The following CHSY1 variants were observed in gnomAD, a reference collection of about 807,000 sequenced individuals.
The protein encoded by CHSY1 is chondroitin sulfate synthase 1.
Under a neutral mutation model 59.8 loss-of-function variants are expected in CHSY1, and 13 were observed. The ratio of observed to expected loss-of-function variants is 0.22; its 90% CI spans 0.14 to 0.35. The LOEUF (loss-of-function observed/expected upper bound fraction) is 0.35. CHSY1 is among the 10% of genes least tolerant of loss of function. The pLI is 1.00. For synonymous variants in CHSY1, 459 were observed against 401.2 expected, an observed-to-expected ratio of 1.14 and a Z score of -1.72; for missense variants, 947 against 1,030.6, an observed-to-expected ratio of 0.92 and a Z score of 1.11.
At chr15:101,239,397 G>T (rs1027165754) in intron 1 of CHSY1, among the ~76,000 whole-genome samples, 10 of 152,222 alleles carry the variant, frequency 6.6e-5, no homozygotes, top group Admixed American at 5.9e-4. Flanking sequence ...ACCAACTAAG[G>T]AGGCGAATCT....
At position 101,178,657 on chromosome 15, in the gene CHSY1, A is replaced by T. The variant is rs144853818; in HGVS notation, c.1140T>A (p.Thr380=). The T allele has an allele frequency of 5.0e-6, 8 of 1,614,224 alleles. No homozygotes were observed. Among genetic ancestry groups the T allele is most frequent in the Non-Finnish European group, 6.8e-6 (8 of 1,180,034 alleles). Residue 380 remains threonine (T), a synonymous_variant, in exon 3 of 3, where the codon ACT becomes ACA. Coordinates refer to ENST00000254190, the MANE Select transcript of CHSY1 (RefSeq NM_014918.5). ...CAACTGCCGAATACAAGTATTTTCC[A>T]GTCAGAAACTCCCATTCCAGAATCT... is the stretch of plus-strand genomic sequence containing the variant. The part of the protein sequence containing the change: ...REEILEWEFL[T]GKYLYSAVDG...
intron 2 of CHSY1, among the ~76,000 whole-genome samples, chr15:101,196,793 G>C (rs1321941929): frequency 6.6e-6 from 1 of 152,180 alleles, no homozygotes; most frequent in Non-Finnish European, 1.5e-5. Context: ...GGAGGTCAAG[G>C]CAAGGGAACC....
intron 2 of CHSY1, among the ~76,000 whole-genome samples, chr15:101,215,088 G>A (rs2038718478): frequency 6.6e-6 from 1 of 152,154 alleles, no homozygotes; most frequent in Non-Finnish European, 1.5e-5. Context: ...AGTTTCCTGA[G>A]TCTTCACCAG....
In CHSY1 at chr15:101,235,111, C is replaced by A. The variant is rs752265345; in HGVS notation, c.787G>T (p.Ala263Ser). Reference protein sequence around the residue: ...VEVGRCVRRFAGVQCVWSYEM... With the variant: ...VEVGRCVRRFSGVQCVWSYEM... ...TAAGACCAGACACACTGCACCCCTG[C>A]AAACCTCCGGACACACCTTCCCACC... The change falls in exon 2 of 3, where the codon GCA becomes TCA. Residue 263 changes from alanine (A) to serine (S), a missense_variant. By Grantham distance (99) the Ala-to-Ser change is moderately conservative. Around this residue, in one of 4 missense-constraint regions of CHSY1, gnomAD observed 602 missense variants for 676.9 expected, o/e 0.89. Transcript: ENST00000254190. The A allele has an allele frequency of 2.0e-5, 33 of 1,613,974 alleles. No individual in the cohort carries two copies. In the Admixed American group the frequency reaches 3.2e-4, roughly 15 times the overall value.
rs2141286951 is a variant in CHSY1 at position 101,251,989 on chromosome 15, CG to C, written c.-534del. The C allele has an allele frequency of 2.0e-5, 3 of 151,012 alleles. 1 individual carries two copies. The East Asian group carries it at 5.9e-4, about 29-fold the overall frequency. The allele number at this position is 151,012 out of a possible 1,614,324, so 9.4% of individuals were successfully genotyped here. ...GCGCGTTATGAAGTGGCCCCGCCGG[CG>C]GCGAGCCGTGGCCCCTCTCGGGATC... is the stretch of plus-strand genomic sequence containing the variant. On this transcript the variant is annotated 5_prime_UTR_variant, in exon 1 of 3. Transcript: ENST00000254190.
At chr15:101,216,799 T>C (rs2038737751) in intron 2 of CHSY1, among the ~76,000 whole-genome samples, 1 of 152,228 alleles carries the variant, frequency 6.6e-6, no homozygotes, top group African/African-American at 2.4e-5. Flanking sequence ...TGCATGATAC[T>C]GTAATGGTGG....
At chr15:101,179,559 C>A (rs373546163) in intron 2 of CHSY1, among the ~76,000 whole-genome samples, 18 of 152,328 alleles carry the variant, frequency 1.2e-4, no homozygotes, top group East Asian at 9.6e-4. Context: ...CTGCTGAGGT[C>A]TCTGGAAGCA....
chr15:101,181,742 G>T (rs1010179377), intron 2 of CHSY1, among the ~76,000 whole-genome samples: 1 of 152,170 alleles, frequency 6.6e-6, no homozygotes, highest in African/African-American at 2.4e-5. Flanking sequence ...GAACTGACAT[G>T]ATTTTCTCCT....
At chr15:101,191,746 A>C (rs1177890299) in intron 2 of CHSY1, among the ~76,000 whole-genome samples, 1 of 151,696 alleles carries the variant, frequency 6.6e-6, no homozygotes, top group East Asian at 1.9e-4. Context: ...AAAAAACTTA[A>C]TTTTTTTTTA....
intron 2 of CHSY1, chr15:101,187,702 T>A (rs1213115705): frequency 6.6e-6 from 1 of 152,086 alleles, no homozygotes; most frequent in Non-Finnish European, 1.5e-5. Context: ...ATTCCTTGCT[T>A]AAAAAAAACT....
chr15:101,238,587 C>T (rs909956405), intron 1 of CHSY1, among the ~76,000 whole-genome samples: 4 of 152,148 alleles, frequency 2.6e-5, no homozygotes, highest in Non-Finnish European at 5.9e-5. Context: ...AATCCCATGA[C>T]GCCGGTAACT....
At chr15:101,234,486 A>G (rs2038920363) in intron 2 of CHSY1, among the ~76,000 whole-genome samples, 1 of 152,238 alleles carries the variant, frequency 6.6e-6, no homozygotes, top group African/African-American at 2.4e-5. Context: ...TTTCTGGATA[A>G]TCAAGAAAAT....
intron 2 of CHSY1, among the ~76,000 whole-genome samples, chr15:101,229,383 G>A (rs1168476012): frequency 6.6e-6 from 1 of 152,160 alleles, no homozygotes; most frequent in Non-Finnish European, 1.5e-5. Context: ...GATATACCAT[G>A]CAAATGGTAA....
intron 2 of CHSY1, among the ~76,000 whole-genome samples, chr15:101,182,574 G>GC (rs2038295210): frequency 6.6e-6 from 1 of 152,234 alleles, no homozygotes; most frequent in Non-Finnish European, 1.5e-5. Context: ...GTGGTGAGGT[G>GC]CAAGTCTGAT....
At chr15:101,243,318 T>C (rs1253024954) in intron 1 of CHSY1, among the ~76,000 whole-genome samples, 1 of 152,238 alleles carries the variant, frequency 6.6e-6, no homozygotes, top group Non-Finnish European at 1.5e-5. Context: ...GCTCCTTTCA[T>C]AATTTGCATA....
intron 1 of CHSY1, among the ~76,000 whole-genome samples, chr15:101,249,195 G>C (rs1028447703): frequency 6.6e-6 from 1 of 152,030 alleles, no homozygotes; most frequent in East Asian, 1.9e-4. Context: ...TTTGGTTCAG[G>C]GGGCATGGGG....
Position 101,177,339 on chromosome 15 carries a change from G to T in CHSY1, c.*49C>A, listed in dbSNP as rs944587697. ...AAAACTGATCATACAAAAAATTTTTGAAAAATAAATTAGATAATTAAAAAC... is the reference window on the plus strand; with the variant it reads ...AAAACTGATCATACAAAAAATTTTTTAAAAATAAATTAGATAATTAAAAAC... On this transcript the variant is annotated 3_prime_UTR_variant, in exon 3 of 3. Coordinates refer to ENST00000254190, the MANE Select transcript of CHSY1 (RefSeq NM_014918.5). The T allele has an allele frequency of 1.3e-6, 2 of 1,573,114 alleles. No homozygotes were observed. The highest frequency in any genetic ancestry group is 1.7e-6 in the Non-Finnish European group (2 of 1,163,716).
At chr15:101,211,484 T>A (rs2038682618) in intron 2 of CHSY1, among the ~76,000 whole-genome samples, 1 of 152,166 alleles carries the variant, frequency 6.6e-6, no homozygotes. Context: ...AGTGAAAATG[T>A]GTAATATATA....
intron 2 of CHSY1, among the ~76,000 whole-genome samples, chr15:101,223,420 AC>A (rs1307705550): frequency 6.6e-6 from 1 of 152,276 alleles, no homozygotes; most frequent in Non-Finnish European, 1.5e-5. Flanking sequence ...ATCATCAATT[AC>A]AGAAACAAAA....
Sources: allele counts gnomAD v4.1 joint callset (sites outside exome capture counted in the v4.1 genomes callset), GRCh38; gene constraint gnomAD v4.1.1; regional missense constraint gnomAD v4.1.1; transcripts MANE v1.5; gene names NCBI Gene and HGNC (gene_info 2026-07-23, HGNC 2026-07-21).